Variants in TMEM134 observed in about 807,000 individuals in gnomAD.
TMEM134 encodes transmembrane protein 134.
TMEM134 carries 36 observed loss-of-function variants against 26.2 expected under a neutral mutation model. That is an observed-to-expected ratio of 1.37 (90% CI 1.05 to 1.81). The LOEUF (loss-of-function observed/expected upper bound fraction) is 1.81, where lower values mean the gene tolerates loss of function less well. TMEM134 is among the 40% of genes most tolerant of loss of function. The pLI is 0.00. For synonymous variants in TMEM134, 133 were observed against 113.6 expected (o/e 1.17, Z -1.08); for missense variants, 339 against 263.5 (o/e 1.29, Z -1.98).
At position 67,467,356 on chromosome 11, in the gene TMEM134, C is replaced by A; in HGVS notation, c.362G>T (p.Arg121Leu). The A allele has an allele frequency of 6.2e-7, 1 of 1,613,700 alleles. No individual in the cohort carries two copies. Residue 121 changes from arginine (R) to leucine (L), a missense_variant, in exon 4 of 7, where the codon CGC (arginine) becomes CTC (leucine). Transcript: ENST00000308022. ...CAGGAAGGAGGCCAGCACCACTCGG[C>A]GGTTCTTCTGGATCAAAGGGTGTTG... ...WTQHPLIQKN[R>L]RVVLASFLLL...
At chr11:67,464,746 C>A (rs1418819245) in intron 6 of TMEM134, 50 bp from the exon 7 acceptor site, 21 of 1,539,938 alleles carry the variant, frequency 1.4e-5, no homozygotes, top group Non-Finnish European at 1.8e-5. Flanking sequence ...CCCCGCAACA[C>A]CGCCCCCAGT....
At position 67,464,779 on chromosome 11, in the gene TMEM134, TTCCGCCCCGGTG is replaced by T; in HGVS notation, c.505+12_505+23del. The T allele has an allele frequency of 6.7e-7, 1 of 1,484,952 alleles. No individual in the cohort carries two copies. Among genetic ancestry groups the T allele is most frequent in the Non-Finnish European group, 9.2e-7 (1 of 1,091,522 alleles). The allele number at this position is 1,484,952 out of a possible 1,614,324, so 92.0% of individuals were successfully genotyped here. A position where few individuals can be genotyped will look rare whatever the true frequency, so the allele number is the denominator to read the frequency against. On this transcript the variant is annotated intron_variant, in intron 6 of 6. Coordinates refer to ENST00000308022, the MANE Select transcript of TMEM134 (RefSeq NM_025124.4). ...AGTGCCGCCCCACAGCCCCCGCCCC[TTCCGCCCCGGTG>T]CCCGCTCGCACCTCCAGGCACCAAC...
At chr11:67,468,501 G>A (rs1262094047) in intron 1 of TMEM134, among the ~76,000 whole-genome samples, 1 of 152,206 alleles carries the variant, frequency 6.6e-6, no homozygotes, top group Non-Finnish European at 1.5e-5. Flanking sequence ...TGGGAAAATG[G>A]GTTTTTCTGG....
chr11:67,467,654 T>C (rs1395026571), intron 2 of TMEM134, 64 bp from the exon 3 acceptor site: 5 of 1,519,630 alleles, frequency 3.3e-6, no homozygotes, highest in Non-Finnish European at 3.6e-6. Context: ...GGGACAGGAG[T>C]CCTGATGAAG....
rs554520975 is a variant in TMEM134 at position 67,469,189 on chromosome 11, T to C, written c.4A>G (p.Ser2Gly). Residue 2 changes from serine to glycine, a missense_variant, in exon 1 of 7, where the codon AGC (serine) becomes GGC (glycine). Physicochemically the swap from Ser to Gly is moderately conservative, Grantham distance 56. Transcript: ENST00000308022. M[S>G]AARPQFSIDD... ...ATGCTGAACTGGGGCCGGGCGGCGC[T>C]CATGGCCCCGGCCCGCTCAGGCGCC... 206 of 1,336,022 alleles carry C rather than the reference T, an allele frequency of 1.5e-4. 2 individuals carry two copies. In the South Asian group the frequency reaches 3.4e-3, roughly 22 times the overall value. The allele number at this position is 1,336,022 out of a possible 1,614,324, so 82.8% of individuals were successfully genotyped here. A position where few individuals can be genotyped will look rare whatever the true frequency, so the allele number is the denominator to read the frequency against.
Position 67,464,707 on chromosome 11 carries a change from G to A in TMEM134, c.506-11C>T. The A allele has an allele frequency of 6.4e-7, 1 of 1,551,828 alleles. No homozygotes were observed. Among genetic ancestry groups the A allele is most frequent in the African/African-American group, 1.4e-5 (1 of 73,320 alleles). ...AGATCACGTGATAGACTGCGGGGCG[G>A]GGCCTGTCAGCGCAGAAGCCCCGCC... is the stretch of plus-strand genomic sequence containing the variant. On this transcript the variant is annotated splice_polypyrimidine_tract_variant and intron_variant, in intron 6 of 6. Coordinates refer to ENST00000308022, the MANE Select transcript of TMEM134 (RefSeq NM_025124.4).
rs1243228339 is a variant in TMEM134, at chr11:67,462,848, T to C, written c.*1766A>G. 2.6e-5 allele frequency: 4 copies of C among 152,104 alleles called. No homozygotes were observed. The highest frequency in any genetic ancestry group is 3.4e-3 in the Middle Eastern group (1 of 294). The allele number at this position is 152,104 out of a possible 1,614,324, so 9.4% of individuals were successfully genotyped here. A position where few individuals can be genotyped will look rare whatever the true frequency, so the allele number is the denominator to read the frequency against. ...GGGTGGGACTACAGGCGCCCCACCA[T>C]GCCTGGCTAAGTTTTTGTATTTTTT... On this transcript the variant is annotated 3_prime_UTR_variant, in exon 7 of 7. Coordinates refer to ENST00000308022, the MANE Select transcript of TMEM134 (RefSeq NM_025124.4).
In TMEM134 at chr11:67,469,198, CG is replaced by C; in HGVS notation, c.-7del. ...TGGGGCCGGGCGGCGCTCATGGCCCCGGCCCGCTCAGGCGCCGTGCGCCGCC... is the reference window on the plus strand; with the variant it reads ...TGGGGCCGGGCGGCGCTCATGGCCCCGCCCGCTCAGGCGCCGTGCGCCGCC... On this transcript the variant is annotated 5_prime_UTR_variant, in exon 1 of 7. Transcript: ENST00000308022. 7.7e-7 allele frequency: 1 copy of C among 1,292,634 alleles called. No individual in the cohort carries two copies. The highest frequency in any genetic ancestry group is 9.9e-7 in the Non-Finnish European group (1 of 1,014,814). The allele number at this position is 1,292,634 out of a possible 1,614,324, so 80.1% of individuals were successfully genotyped here.
In TMEM134 at chr11:67,467,567, C is replaced by G. The variant is rs775122045; in HGVS notation, c.263G>C (p.Arg88Pro). ...GGTGCTGAAGGACCACTGGGAGCTG[C>G]GGATGGAAGTTCGGCTGGAATCCCT... ...GTRDSSRTSI[R>P]SSQWSFSTIS... Residue 88 changes from arginine to proline, a missense_variant, in exon 3 of 7, where the codon CGC becomes CCC. Arg to Pro is a moderately radical substitution (Grantham distance 103). Coordinates refer to ENST00000308022, the MANE Select transcript of TMEM134 (RefSeq NM_025124.4). 6.2e-7 allele frequency: 1 copy of G among 1,614,016 alleles called. No individual in the cohort carries two copies. Among genetic ancestry groups the G allele is most frequent in the South Asian group, 1.1e-5 (1 of 91,080 alleles).
At chr11:67,468,179 ACCATTTG>A (rs1300355176) in intron 1 of TMEM134, 87 bp from the exon 2 acceptor site, 81 of 1,292,670 alleles carry the variant, frequency 6.3e-5, no homozygotes, top group Middle Eastern at 5.5e-4. Context: ...GGCCTACACA[ACCATTTG>A]CCTGGCCGCC....
Position 67,467,555 on chromosome 11 carries a change from C to G in TMEM134, c.275G>C (p.Trp92Ser), listed in dbSNP as rs369243260. ...GCTGCTGCTGATGGTGCTGAAGGAC[C>G]ACTGGGAGCTGCGGATGGAAGTTCG... is the stretch of plus-strand genomic sequence containing the variant. ...SSRTSIRSSQ[W>S]SFSTISSSTQ... is the part of the protein sequence containing the mutation. Residue 92 changes from tryptophan (W) to serine (S), a missense_variant, in exon 3 of 7, where the codon TGG becomes TCG. Trp to Ser is a radical substitution (Grantham distance 177). Coordinates refer to ENST00000308022, the MANE Select transcript of TMEM134 (RefSeq NM_025124.4). 18 of 1,613,962 alleles carry G rather than the reference C, an allele frequency of 1.1e-5. No homozygotes were observed. Among genetic ancestry groups the G allele is most frequent in the Non-Finnish European group, 1.3e-5 (15 of 1,180,042 alleles).
chr11:67,466,417 A>G (rs549501200), intron 4 of TMEM134: 5 of 152,454 alleles, frequency 3.3e-5, no homozygotes, highest in African/African-American at 1.2e-4. Context: ...CCTGCACCCT[A>G]CAAAGGCCCT....
Position 67,462,402 on chromosome 11 carries a change from G to A in TMEM134, c.*2212C>T, listed in dbSNP as rs570991646. 2 of 149,544 alleles carry A rather than the reference G, an allele frequency of 1.3e-5. No individual in the cohort carries two copies. The highest frequency in any genetic ancestry group is 4.2e-4 in the South Asian group (2 of 4,728). 9.3% of individuals were successfully genotyped at this position (149,544 alleles called of 1,614,324 possible). A position where few individuals can be genotyped will look rare whatever the true frequency, so the allele number is the denominator to read the frequency against. ...AGAGTCTCGCTCTGTCGCTCAGGCT[G>A]GAGTGTAGTGGCGTGATCTCGGCTC... On this transcript the variant is annotated 3_prime_UTR_variant, in exon 7 of 7. Transcript: ENST00000308022.
In TMEM134 at chr11:67,467,589, C is replaced by A. The variant is rs11546860; in HGVS notation, c.241G>T (p.Asp81Tyr). ...PEPDGGVGTR[D>Y]SSRTSIRSSQ... ...CTGCGGATGGAAGTTCGGCTGGAAT[C>A]CCTGCCAGGACAGGCGCCCAGTGAG... is the stretch of plus-strand genomic sequence containing the variant. The change falls in exon 3 of 7, where the codon GAT (aspartate) becomes TAT (tyrosine). Residue 81 changes from aspartate (D) to tyrosine (Y), a missense_variant and splice_region_variant. Coordinates refer to ENST00000308022, the MANE Select transcript of TMEM134 (RefSeq NM_025124.4). 2,038 of 1,613,932 alleles carry A rather than the reference C, an allele frequency of 1.3e-3. 5 individuals are homozygous for A. Among genetic ancestry groups the A allele is most frequent in the Non-Finnish European group, 1.5e-3 (1,725 of 1,180,008 alleles).
chr11:67,468,817 C>A (rs567153977), intron 1 of TMEM134, among the ~76,000 whole-genome samples: 8 of 152,282 alleles, frequency 5.3e-5, no homozygotes, highest in Non-Finnish European at 8.8e-5. Context: ...TGGGCTCTTC[C>A]CGGCTGGCTG....
In TMEM134 at chr11:67,467,308, T is replaced by G. The variant is rs1410407652; in HGVS notation, c.406+4A>C. 6.2e-7 allele frequency: 1 copy of G among 1,613,550 alleles called. No homozygotes were observed. The highest frequency in any genetic ancestry group is 1.1e-5 in the South Asian group (1 of 91,062). On this transcript the variant is annotated splice_donor_region_variant and intron_variant, in intron 4 of 6. Coordinates refer to ENST00000308022, the MANE Select transcript of TMEM134 (RefSeq NM_025124.4). Reference sequence around the variant, plus strand: ...TCTTGACCCCAACCCTCAGGGCCACTCACCCAGCCCCAGCAGCAGGAGCAG... The same window carrying G: ...TCTTGACCCCAACCCTCAGGGCCACGCACCCAGCCCCAGCAGCAGGAGCAG...
In TMEM134 at chr11:67,463,571, A is replaced by C. The variant is rs1383660365; in HGVS notation, c.*1043T>G. On this transcript the variant is annotated 3_prime_UTR_variant, in exon 7 of 7. Transcript: ENST00000308022. ...TATTTTCTTTTCTTTTTTTTTTTTT[A>C]AATAGAGATGGGTTCTCGCCATGTT... The C allele has an allele frequency of 6.7e-6, 1 of 148,996 alleles. No homozygotes were observed. Among genetic ancestry groups the C allele is most frequent in the African/African-American group, 2.5e-5 (1 of 40,344 alleles). 9.2% of individuals were successfully genotyped at this position (148,996 alleles called of 1,614,324 possible). A position where few individuals can be genotyped will look rare whatever the true frequency, so the allele number is the denominator to read the frequency against.
In TMEM134 at chr11:67,464,672, C is replaced by A. The variant is rs746234919; in HGVS notation, c.530G>T (p.Cys177Phe). The A allele has an allele frequency of 1.7e-5, 27 of 1,553,888 alleles. No homozygotes were observed. The highest frequency in any genetic ancestry group is 2.3e-5 in the Non-Finnish European group (26 of 1,148,186). Residue 177 changes from cysteine to phenylalanine, a missense_variant, in exon 7 of 7, where the codon TGC (cysteine) becomes TTC (phenylalanine). Coordinates refer to ENST00000308022, the MANE Select transcript of TMEM134 (RefSeq NM_025124.4). ...PGVYHVIFIY[C>F]AVKGHRGFQF... is the part of the protein sequence containing the mutation. ...GAAGCCCCGGTGGCCCTTGACCGCG[C>A]AGTAGATGAAGATCACGTGATAGAC... is the stretch of plus-strand genomic sequence containing the variant.
intron 4 of TMEM134, 134 bp downstream of exon 4, chr11:67,467,178 G>A: frequency 1.3e-6 from 1 of 762,576 alleles, no homozygotes; most frequent in Non-Finnish European, 2.1e-6. Context: ...TAAAATGGGA[G>A]TGTGATGATG....
Sources: gnomAD v4.1 joint callset for allele counts (sites outside exome capture counted in the v4.1 genomes callset) on GRCh38, gnomAD v4.1.1 for gene constraint, MANE v1.5 for transcripts, NCBI Gene and HGNC (gene_info 2026-07-23, HGNC 2026-07-21) for gene names.